PI4KB: variants seen among roughly 807,000 people sequenced by gnomAD.
The protein encoded by PI4KB is PtdIns 4-kinase beta.
A neutral mutation model predicts 81.4 loss-of-function variants in PI4KB; 23 were observed. That is an observed-to-expected ratio of 0.28 (90% CI 0.20 to 0.40). The LOEUF is 0.40. Among genes scored for constraint, PI4KB ranks in the 10% least tolerant of loss-of-function variants. The pLI is 1.00. For missense variants in PI4KB, 651 were observed against 1,036.6 expected, an observed-to-expected ratio of 0.63 and a Z score of 5.11; for synonymous variants, 381 against 406.8, an observed-to-expected ratio of 0.94 and a Z score of 0.76.
intron 1 of PI4KB, among the ~76,000 whole-genome samples, chr1:151,322,016 G>A (rs747800279): frequency 2.0e-5 from 3 of 152,132 alleles, no homozygotes; most frequent in South Asian, 2.1e-4. Flanking sequence ...AAAAAGTGAC[G>A]GAAGACAATC....
At chr1:151,306,476 C>T in intron 4 of PI4KB, 113 bp from the exon 5 acceptor site, 2 of 684,608 alleles carry the variant, frequency 2.9e-6, no homozygotes, top group Non-Finnish European at 5.3e-6. Context: ...CAGCCTTCAT[C>T]CAATAGTCCT....
intron 8 of PI4KB, among the ~76,000 whole-genome samples, chr1:151,301,273 T>C (rs1237407977): frequency 6.6e-6 from 1 of 152,216 alleles, no homozygotes; most frequent in African/African-American, 2.4e-5. Flanking sequence ...TAGACTGCAG[T>C]GGCACAATCT....
At chr1:151,320,731 C>T (rs925844091) in intron 1 of PI4KB, among the ~76,000 whole-genome samples, 2 of 152,144 alleles carry the variant, frequency 1.3e-5, no homozygotes, top group Non-Finnish European at 2.9e-5. Context: ...AGAGGGTCAC[C>T]GATTCAACGG....
At chr1:151,320,812 T>C (rs1028230931) in intron 1 of PI4KB, among the ~76,000 whole-genome samples, 2 of 152,212 alleles carry the variant, frequency 1.3e-5, no homozygotes, top group African/African-American at 4.8e-5. Flanking sequence ...ATCAACTTCT[T>C]TTTCTCAGTC....
intron 8 of PI4KB, chr1:151,301,089 TC>T (rs1310411308): frequency 1.3e-5 from 2 of 152,348 alleles, no homozygotes; most frequent in Non-Finnish European, 2.9e-5. Flanking sequence ...TGGCTGTTCT[TC>T]CCAGGGGAAA....
intron 4 of PI4KB, among the ~76,000 whole-genome samples, chr1:151,306,835 G>T (rs994549163): frequency 3.3e-5 from 5 of 152,172 alleles, no homozygotes; most frequent in Admixed American, 1.3e-4. Context: ...CTAGCACTTT[G>T]GGGGGCCGAG....
In PI4KB at chr1:151,303,525, TG is replaced by T. The variant is rs1221893751; in HGVS notation, c.1520+15del. Reference sequence around the variant, plus strand: ...AAGAGGGATGAAAAATGAGGGGCAATGTGATCTGGCCATACCGGATGTCCCC... The same window carrying T: ...AAGAGGGATGAAAAATGAGGGGCAATTGATCTGGCCATACCGGATGTCCCC... On this transcript the variant is annotated intron_variant, in intron 6 of 11. Coordinates refer to ENST00000368873, the MANE Select transcript of PI4KB (RefSeq NM_001369623.2). 2.0e-6 allele frequency: 3 copies of T among 1,486,580 alleles called. No homozygotes were observed. The Admixed American group carries it at 5.0e-5, about 25-fold the overall frequency. The allele number at this position is 1,486,580 out of a possible 1,614,324, so 92.1% of individuals were successfully genotyped here.
At chr1:151,327,704 A>C, upstream of PI4KB, 5 of 250,784 alleles carry the variant, frequency 2.0e-5, no homozygotes, top group Admixed American at 5.5e-5. Context: ...AGAAATAGAA[A>C]AGGGGGCGGG....
chr1:151,301,464 C>G (rs587697670), intron 8 of PI4KB, among the ~76,000 whole-genome samples: 1 of 152,220 alleles, frequency 6.6e-6, no homozygotes, highest in East Asian at 1.9e-4. Flanking sequence ...GTGGTGCAAT[C>G]TCCGCTCACT....
chr1:151,307,480 T>C (rs1257055740), intron 4 of PI4KB, 94 bp downstream of exon 4: 2 of 730,854 alleles, frequency 2.7e-6, no homozygotes, highest in Middle Eastern at 3.7e-4. Flanking sequence ...TCTAGGATGT[T>C]GGTGAGGGCC....
rs587594798 is a variant in PI4KB at position 151,305,113 on chromosome 1, C to T, written c.1410+1023G>A. Among the ~76,000 whole-genome samples the T allele has an allele frequency of 8.6e-4, 131 of 151,806 alleles. 1 individual carries two copies. The highest frequency in any genetic ancestry group is 2.9e-3 in the African/African-American group (121 of 41,398). On this transcript the variant is annotated intron_variant, in intron 5 of 11. Transcript: ENST00000368873. Reference sequence around the variant, plus strand: ...CCAAAGTGCTGGGATTACAGGCGTGCGCCACCGCACCCGGCATAATTTTTC... The same window carrying T: ...CCAAAGTGCTGGGATTACAGGCGTGTGCCACCGCACCCGGCATAATTTTTC...
intron 1 of PI4KB, among the ~76,000 whole-genome samples, chr1:151,324,447 T>C (rs1649332414): frequency 6.6e-6 from 1 of 152,296 alleles, no homozygotes; most frequent in East Asian, 1.9e-4. Context: ...GTACTCCTTT[T>C]TCCTTATAGA....
At chr1:151,303,686 G>A in intron 5 of PI4KB, 36 bp from the exon 6 acceptor site, 1 of 1,347,056 alleles carries the variant, frequency 7.4e-7, no homozygotes, top group Non-Finnish European at 1.1e-6. Flanking sequence ...AAGTGCTAAA[G>A]TATAGGTCTC....
chr1:151,297,728 G>A (rs1694930986), intron 9 of PI4KB, among the ~76,000 whole-genome samples: 1 of 151,946 alleles, frequency 6.6e-6, no homozygotes, highest in Non-Finnish European at 1.5e-5. Context: ...TAGTAGAGAT[G>A]GGGTTTCACC....
chr1:151,301,607 C>T (rs982542641), intron 8 of PI4KB, among the ~76,000 whole-genome samples: 3 of 152,192 alleles, frequency 2.0e-5, no homozygotes, highest in African/African-American at 7.2e-5. Context: ...CCGTGTTAGC[C>T]AGGATGGTCT....
intron 9 of PI4KB, among the ~76,000 whole-genome samples, chr1:151,298,159 G>T (rs995020542): frequency 6.6e-6 from 1 of 152,202 alleles, no homozygotes; most frequent in African/African-American, 2.4e-5. Context: ...ATCATATGCT[G>T]GAATAAGAAG....
chr1:151,320,183 G>A (rs540053477), intron 1 of PI4KB, among the ~76,000 whole-genome samples: 1 of 152,248 alleles, frequency 6.6e-6, no homozygotes, highest in South Asian at 2.1e-4. Flanking sequence ...ACAGATGCCC[G>A]CCACCACGCC....
At chr1:151,300,627 A>G (rs1179546815) in intron 8 of PI4KB, 1 of 152,058 alleles carries the variant, frequency 6.6e-6, no homozygotes, top group Non-Finnish European at 1.5e-5. Context: ...AAAATAAGGA[A>G]AAAAAAACGC....
intron 5 of PI4KB, 32 bp downstream of exon 5, chr1:151,306,104 G>C (rs375714356): frequency 1.2e-4 from 180 of 1,545,728 alleles, no homozygotes; most frequent in Admixed American, 2.8e-4. Flanking sequence ...AAGCTCCTGT[G>C]ACCCAGCATT....
Sources: allele counts gnomAD v4.1 joint callset (sites outside exome capture counted in the v4.1 genomes callset), GRCh38; gene constraint gnomAD v4.1.1; transcripts MANE v1.5; gene names NCBI Gene and HGNC (gene_info 2026-07-23, HGNC 2026-07-21).